Variants in ERBB4 observed in about 807,000 individuals in gnomAD.
ERBB4 encodes the protein erb-b2 receptor tyrosine kinase 4, also known as receptor tyrosine-protein kinase erbB-4.
Under a neutral mutation model 158.0 loss-of-function variants are expected in ERBB4, and 42 were observed. The ratio of observed to expected loss-of-function variants is 0.27; its 90% CI spans 0.21 to 0.34. The LOEUF (loss-of-function observed/expected upper bound fraction) is 0.34. Ranked by LOEUF, ERBB4 falls within the 10% of genes least tolerant of loss-of-function variation. ERBB4 has a pLI of 1.00. For synonymous variants in ERBB4, 583 were observed against 558.7 expected (o/e 1.04, Z -0.61); for missense variants, 1,333 against 1,624.1 (o/e 0.82, Z 3.08).
chr2:212,102,453 T>C (rs1443069648), intron 2 of ERBB4, among the ~76,000 whole-genome samples: 2 of 152,082 alleles, frequency 1.3e-5, no homozygotes, highest in Non-Finnish European at 2.9e-5. Context: ...TAGAGACCAA[T>C]TGTCTCCAGG....
intron 1 of ERBB4, among the ~76,000 whole-genome samples, chr2:212,472,810 A>T (rs1450879051): frequency 6.6e-6 from 1 of 151,942 alleles, no homozygotes; most frequent in Non-Finnish European, 1.5e-5. Context: ...GAGCAGCACC[A>T]ATCTGTGGTC....
At chr2:212,034,376 A>G (rs916825854) in intron 2 of ERBB4, among the ~76,000 whole-genome samples, 1 of 152,050 alleles carries the variant, frequency 6.6e-6, no homozygotes, top group Non-Finnish European at 1.5e-5. Flanking sequence ...TGGCTTTATT[A>G]GCTGACATTT....
At chr2:211,591,401 T>C (rs1303403544) in intron 19 of ERBB4, among the ~76,000 whole-genome samples, 2 of 152,200 alleles carry the variant, frequency 1.3e-5, no homozygotes, top group African/African-American at 4.8e-5. Flanking sequence ...TAACTACATT[T>C]CCAGACAGGC....
chr2:211,527,066 G>A (rs72939466), intron 20 of ERBB4, among the ~76,000 whole-genome samples: 1 of 151,958 alleles, frequency 6.6e-6, no homozygotes, highest in South Asian at 2.1e-4. Flanking sequence ...CACACCTAGA[G>A]AAAAATATCA....
intron 1 of ERBB4, among the ~76,000 whole-genome samples, chr2:212,144,334 T>C (rs2080591279): frequency 2.6e-5 from 4 of 152,328 alleles, no homozygotes; most frequent in Admixed American, 2.6e-4. Context: ...TCCATAAATT[T>C]AGAGATCCGC....
chr2:211,658,173 C>T (rs1361037190), intron 15 of ERBB4, among the ~76,000 whole-genome samples: 2 of 152,126 alleles, frequency 1.3e-5, no homozygotes, highest in African/African-American at 4.8e-5. Flanking sequence ...TTGCCATTAT[C>T]AACTAAGTGG....
intron 25 of ERBB4, among the ~76,000 whole-genome samples, chr2:211,403,435 T>G (rs1463494561): frequency 6.6e-6 from 1 of 152,118 alleles, no homozygotes; most frequent in African/African-American, 2.4e-5. Flanking sequence ...ATCTACAGTC[T>G]TTGGAGGCAT....
chr2:211,485,561 G>A (rs1227375921), intron 20 of ERBB4, among the ~76,000 whole-genome samples: 1 of 152,012 alleles, frequency 6.6e-6, no homozygotes, highest in Non-Finnish European at 1.5e-5. Context: ...AGTCCTGTAA[G>A]CCACTATTGT....
chr2:212,317,842 T>C lies in ERBB4; in HGVS notation c.83-192939A>G, dbSNP rs200528874. On this transcript the variant is annotated intron_variant, in intron 1 of 27. Coordinates refer to ENST00000342788, the MANE Select transcript of ERBB4 (RefSeq NM_005235.3). ...TGTGCCTGTCTACAATGAAAAAAAA[T>C]TCTTTAAATAAATTAACCTATGGAA... Among the ~76,000 whole-genome samples the C allele has an allele frequency of 2.0e-5, 3 of 146,558 alleles. 1 individual carries two copies. The highest frequency in any genetic ancestry group is 4.6e-5 in the Non-Finnish European group (3 of 65,632).
chr2:211,446,504 A>G (rs2064116013), intron 20 of ERBB4, among the ~76,000 whole-genome samples: 1 of 152,150 alleles, frequency 6.6e-6, no homozygotes, highest in African/African-American at 2.4e-5. Context: ...TTCTATATGT[A>G]AAGTCTTTTT....
chr2:211,851,454 G>A (rs2077719256), intron 3 of ERBB4, among the ~76,000 whole-genome samples: 1 of 151,936 alleles, frequency 6.6e-6, no homozygotes, highest in African/African-American at 2.4e-5. Flanking sequence ...GGGTCAAAAT[G>A]TTGTGGCCCA....
chr2:212,116,926 GA>G (rs1045299664), intron 2 of ERBB4, among the ~76,000 whole-genome samples: 6 of 150,800 alleles, frequency 4.0e-5, no homozygotes, highest in Non-Finnish European at 5.9e-5. Context: ...TAACCTCTGA[GA>G]AAAAAAAATC....
At chr2:212,096,085 C>T (rs2125504286) in intron 2 of ERBB4, among the ~76,000 whole-genome samples, 1 of 151,478 alleles carries the variant, frequency 6.6e-6, no homozygotes, top group Admixed American at 6.6e-5. Context: ...AAAGAGAAGA[C>T]TCACACTGCA....
At chr2:212,207,913 T>C (rs930379548) in intron 1 of ERBB4, among the ~76,000 whole-genome samples, 2 of 151,846 alleles carry the variant, frequency 1.3e-5, no homozygotes, top group Non-Finnish European at 2.9e-5. Flanking sequence ...TATGATCTTC[T>C]GCAATTTTTT....
intron 3 of ERBB4, among the ~76,000 whole-genome samples, chr2:211,870,839 T>G (rs1389691487): frequency 6.6e-6 from 1 of 152,168 alleles, no homozygotes; most frequent in Non-Finnish European, 1.5e-5. Flanking sequence ...TAAAGACTTT[T>G]GGGTTTTGAT....
At chr2:211,759,314 C>T (rs2075354797) in intron 4 of ERBB4, among the ~76,000 whole-genome samples, 1 of 152,166 alleles carries the variant, frequency 6.6e-6, no homozygotes, top group African/African-American at 2.4e-5. Context: ...CTAGCTTCCA[C>T]CCTGGCCCCT....
At chr2:211,671,208 G>T (rs1280036544) in intron 14 of ERBB4, among the ~76,000 whole-genome samples, 1 of 152,032 alleles carries the variant, frequency 6.6e-6, no homozygotes, top group Non-Finnish European at 1.5e-5. Flanking sequence ...AAAAGATAAT[G>T]TGAAAAAATT....
chr2:212,347,472 G>A (rs1035784038), intron 1 of ERBB4, among the ~76,000 whole-genome samples: 3 of 152,054 alleles, frequency 2.0e-5, no homozygotes, highest in African/African-American at 7.2e-5. Context: ...AGTGTTGGAT[G>A]GAATAGAAAT....
At position 211,679,034 on chromosome 2, in the gene ERBB4, C is replaced by T. The variant is rs767616665; in HGVS notation, c.1622+18G>A. 1 of 1,597,912 alleles carries T rather than the reference C, an allele frequency of 6.3e-7. No individual in the cohort carries two copies. Among genetic ancestry groups the T allele is most frequent in the Non-Finnish European group, 8.5e-7 (1 of 1,170,372 alleles). On this transcript the variant is annotated intron_variant, in intron 13 of 27. Coordinates refer to ENST00000342788, the MANE Select transcript of ERBB4 (RefSeq NM_005235.3). ...TTCAAAGCTCATGAGGTGAAGGCAA[C>T]CCTAGAAGAAGCCTTACCCATCATA...
Sources: allele counts gnomAD v4.1 joint callset (sites outside exome capture counted in the v4.1 genomes callset), GRCh38; gene constraint gnomAD v4.1.1; transcripts MANE v1.5; gene names NCBI Gene and HGNC (gene_info 2026-07-23, HGNC 2026-07-21).